KIRREL3: variants seen among roughly 807,000 people sequenced by gnomAD.
KIRREL3 encodes kin of IRRE-like protein 3.
Under a neutral mutation model 89.7 loss-of-function variants are expected in KIRREL3, and 36 were observed. The ratio of observed to expected loss-of-function variants is 0.40; its 90% CI spans 0.31 to 0.53. The LOEUF is 0.53. KIRREL3 is among the 20% of genes least tolerant of loss of function. The pLI is 0.49. For missense variants in KIRREL3, 864 were observed against 1,056.6 expected (o/e 0.82, Z 2.53); for synonymous variants, 445 against 441.4 (o/e 1.01, Z -0.10).
rs529606708 is a variant in KIRREL3 at position 126,525,907 on chromosome 11, A to G, written c.283+631T>C. On this transcript the variant is annotated intron_variant, in intron 3 of 16. Coordinates refer to ENST00000525144, the MANE Select transcript of KIRREL3 (RefSeq NM_032531.4). This position sits in a 1 kb window ranked among gnomAD's most constrained non-coding sequence, Gnocchi z 5.4. ...AATAGTTAACAAATGATCTGTTGTC[A>G]GCACTGGCCAGTGAGTTCACGTGTC... 7.2e-5 allele frequency among the ~76,000 whole-genome samples: 11 copies of G among 152,330 alleles called. No individual in the cohort carries two copies. Among genetic ancestry groups the G allele is most frequent in the Middle Eastern group, 3.4e-3 (1 of 294 alleles).
rs570176906 is a variant in KIRREL3, at chr11:126,575,683, C to T, written c.56-12771G>A. Among the ~76,000 whole-genome samples the T allele has an allele frequency of 5.9e-5, 9 of 152,292 alleles. No homozygotes were observed. The highest frequency in any genetic ancestry group is 2.2e-4 in the African/African-American group (9 of 41,544). ...GCTATGTTGTTGGAGTTAATACCCA[C>T]AGCAGCTCAAGGAACAGCTTTGTTC... On this transcript the variant is annotated intron_variant, in intron 1 of 16. Transcript: ENST00000525144. The surrounding 1 kb of genome is among the most constrained non-coding windows in gnomAD (Gnocchi z 7.0).
chr11:126,472,330 A>T (rs774955012), intron 5 of KIRREL3, among the ~76,000 whole-genome samples: 2 of 152,186 alleles, frequency 1.3e-5, no homozygotes, highest in Non-Finnish European at 2.9e-5. Context: ...GGAGGCCGGG[A>T]AGTCCAAGAT....
At chr11:126,554,190 A>G (rs1565546204) in intron 2 of KIRREL3, among the ~76,000 whole-genome samples, 5 of 152,116 alleles carry the variant, frequency 3.3e-5, no homozygotes. Context: ...CCCCATTAGA[A>G]TGTTTCTCTG....
chr11:126,921,986 T>TCTATCTAC (rs1947347780), intron 1 of KIRREL3, among the ~76,000 whole-genome samples: 1 of 148,424 alleles, frequency 6.7e-6, no homozygotes, highest in African/African-American at 2.5e-5. Context: ...TATCTATCTA[T>TCTATCTAC]CTATCTATCT....
chr11:126,937,419 A>G (rs1481573618), intron 1 of KIRREL3, among the ~76,000 whole-genome samples: 2 of 152,236 alleles, frequency 1.3e-5, no homozygotes, highest in Non-Finnish European at 2.9e-5. Flanking sequence ...CAGCTCTATC[A>G]GCAGATGTGG....
intron 1 of KIRREL3, among the ~76,000 whole-genome samples, chr11:126,680,672 T>G (rs1946413649): frequency 6.6e-6 from 1 of 152,024 alleles, no homozygotes; most frequent in Admixed American, 6.6e-5. Context: ...TTTCAAAGTT[T>G]TTTAGAGGAA....
intron 1 of KIRREL3, among the ~76,000 whole-genome samples, chr11:126,770,518 T>A (rs1006552872): frequency 3.3e-5 from 5 of 152,218 alleles, no homozygotes; most frequent in Non-Finnish European, 7.3e-5. Flanking sequence ...AGAATCTTTT[T>A]AAAAATGCCT....
Position 126,521,171 on chromosome 11 carries a change from A to G in KIRREL3, c.433+144T>C. 2 of 846,868 alleles carry G rather than the reference A, an allele frequency of 2.4e-6. No individual in the cohort carries two copies. The highest frequency in any genetic ancestry group is 3.0e-5 in the South Asian group (1 of 33,164). 52.5% of individuals were successfully genotyped at this position (846,868 alleles called of 1,614,324 possible). On this transcript the variant is annotated intron_variant, in intron 4 of 16. Transcript: ENST00000525144. This position sits in a 1 kb window ranked among gnomAD's most constrained non-coding sequence, Gnocchi z 4.1. Reference sequence around the variant, plus strand: ...TTTGGGTGGGAAGGTGGGCATGGATATTGTGGAAGCAGCAGTGTCTGGAGC... The same window carrying G: ...TTTGGGTGGGAAGGTGGGCATGGATGTTGTGGAAGCAGCAGTGTCTGGAGC...
rs1940675871 is a variant in KIRREL3 at position 126,568,413 on chromosome 11, G to T, written c.56-5501C>A. On this transcript the variant is annotated intron_variant, in intron 1 of 16. Coordinates refer to ENST00000525144, the MANE Select transcript of KIRREL3 (RefSeq NM_032531.4). The surrounding 1 kb of genome is among the most constrained non-coding windows in gnomAD (Gnocchi z 4.6). ...GCTCTCTGAAGATGGCCAGAGATCA[G>T]AAAGCAAGGGAAGGACCCTCAGTTT... Among the ~76,000 whole-genome samples the T allele has an allele frequency of 6.6e-6, 1 of 152,232 alleles. No individual in the cohort carries two copies. The highest frequency in any genetic ancestry group is 6.5e-5 in the Admixed American group (1 of 15,290).
rs1591938694 is a variant in KIRREL3, at chr11:126,676,669, C to T, written c.56-113757G>A. 6.6e-6 allele frequency among the ~76,000 whole-genome samples: 1 copy of T among 152,156 alleles called. No individual in the cohort carries two copies. The highest frequency in any genetic ancestry group is 1.5e-5 in the Non-Finnish European group (1 of 68,028). On this transcript the variant is annotated intron_variant, in intron 1 of 16. Transcript: ENST00000525144. The surrounding 1 kb of genome is among the most constrained non-coding windows in gnomAD (Gnocchi z 4.5). ...TCCTTGCCTGGACTTGAGGTAACTGCCTTGGCCTCCCTAAGCCAAAGATGC... is the reference window on the plus strand; with the variant it reads ...TCCTTGCCTGGACTTGAGGTAACTGTCTTGGCCTCCCTAAGCCAAAGATGC...
At position 126,430,302 on chromosome 11, in the gene KIRREL3, AG is replaced by A. The variant is rs1955083819; in HGVS notation, c.1697-1015del. 1.3e-5 allele frequency among the ~76,000 whole-genome samples: 2 copies of A among 151,872 alleles called. No individual in the cohort carries two copies. Among genetic ancestry groups the A allele is most frequent in the African/African-American group, 4.8e-5 (2 of 41,388 alleles). ...TCTGCAAAAAATTAAAAAAATAGCAAGGCATGATGGCACACGCCTGTAATCC... is the reference window on the plus strand; with the variant it reads ...TCTGCAAAAAATTAAAAAAATAGCAAGCATGATGGCACACGCCTGTAATCC... On this transcript the variant is annotated intron_variant, in intron 14 of 16. Transcript: ENST00000525144. This position sits in a 1 kb window ranked among gnomAD's most constrained non-coding sequence, Gnocchi z 6.6.
chr11:126,777,631 A>C (rs1224657348), intron 1 of KIRREL3, among the ~76,000 whole-genome samples: 1 of 152,214 alleles, frequency 6.6e-6, no homozygotes, highest in Non-Finnish European at 1.5e-5. Context: ...TAGCAGCCCA[A>C]AGCAAGTCAC....
intron 4 of KIRREL3, among the ~76,000 whole-genome samples, chr11:126,512,064 G>A (rs1958241020): frequency 6.6e-6 from 1 of 152,192 alleles, no homozygotes; most frequent in Non-Finnish European, 1.5e-5. Context: ...GTTGGCTCTG[G>A]CTCTGTTCCT....
chr11:126,792,693 G>A (rs867776848), intron 1 of KIRREL3, among the ~76,000 whole-genome samples: 5 of 152,152 alleles, frequency 3.3e-5, no homozygotes, highest in Non-Finnish European at 5.9e-5. Context: ...CACACAATGC[G>A]ATTAACAATG....
At chr11:126,913,167 A>T (rs950821658) in intron 1 of KIRREL3, among the ~76,000 whole-genome samples, 5 of 152,156 alleles carry the variant, frequency 3.3e-5, no homozygotes, top group African/African-American at 1.2e-4. Context: ...TTTCTCCATG[A>T]GATAGTTAGG....
chr11:126,844,894 A>T lies in KIRREL3; in HGVS notation c.55+155561T>A, dbSNP rs548861512. ...ATCCTTTTGCTACCAACAAGCAGCC[A>T]CCTGAAATTGTCAGTGTTGTTGCAA... On this transcript the variant is annotated intron_variant, in intron 1 of 16. Transcript: ENST00000525144. This position sits in a 1 kb window ranked among gnomAD's most constrained non-coding sequence, Gnocchi z 4.8. Among the ~76,000 whole-genome samples, 2 of 152,288 alleles carry T rather than the reference A, an allele frequency of 1.3e-5. No homozygotes were observed. The highest frequency in any genetic ancestry group is 4.1e-4 in the South Asian group (2 of 4,826).
intron 1 of KIRREL3, among the ~76,000 whole-genome samples, chr11:126,765,193 G>A (rs1231788792): frequency 6.6e-6 from 1 of 152,130 alleles, no homozygotes; most frequent in Non-Finnish European, 1.5e-5. Flanking sequence ...TATACCCCGT[G>A]GCTCTGCCAG....
rs1944950359 is a variant in KIRREL3, at chr11:126,652,597, G to T, written c.56-89685C>A. On this transcript the variant is annotated intron_variant, in intron 1 of 16. Coordinates refer to ENST00000525144, the MANE Select transcript of KIRREL3 (RefSeq NM_032531.4). This position sits in a 1 kb window ranked among gnomAD's most constrained non-coding sequence, Gnocchi z 4.9. The stretch of plus-strand genomic sequence containing the variant: ...CACTCAATCTATAGGTAGCGGGGCT[G>T]GGTTCCTAAGGATGTCTGATTCTGA... Among the ~76,000 whole-genome samples the T allele has an allele frequency of 6.6e-6, 1 of 152,142 alleles. No homozygotes were observed. Among genetic ancestry groups the T allele is most frequent in the African/African-American group, 2.4e-5 (1 of 41,428 alleles).
In KIRREL3 at chr11:126,895,450, TAA is replaced by T. The variant is rs36085945; in HGVS notation, c.55+105003_55+105004del. 4.9e-3 allele frequency among the ~76,000 whole-genome samples: 533 copies of T among 108,118 alleles called. 1 individual carries two copies. The highest frequency in any genetic ancestry group is 0.015 in the South Asian group (49 of 3,312). The allele number at this position is 108,118 out of a possible 152,430, so 70.9% of individuals were successfully genotyped here. A position where few individuals can be genotyped will look rare whatever the true frequency, so the allele number is the denominator to read the frequency against. ...AGCAACAGAGTGAGACACTGTCTCT[TAA>T]AAAAAAAAAAAAAAAAAGGAAAAAA... On this transcript the variant is annotated intron_variant, in intron 1 of 16. Coordinates refer to ENST00000525144, the MANE Select transcript of KIRREL3 (RefSeq NM_032531.4).
Sources: gnomAD v4.1 joint callset for allele counts (sites outside exome capture counted in the v4.1 genomes callset) on GRCh38, gnomAD v4.1.1 for gene constraint, Gnocchi (gnomAD v3.1) non-coding constraint, MANE v1.5 for transcripts, NCBI Gene and HGNC (gene_info 2026-07-23, HGNC 2026-07-21) for gene names.